The following DGLUCY variants were observed in gnomAD, a reference collection of about 807,000 sequenced individuals.
DGLUCY encodes the protein D-glutamate cyclase.
DGLUCY carries 58 observed loss-of-function variants against 58.5 expected under a neutral mutation model. The ratio of observed to expected loss-of-function variants is 0.99; its 90% CI spans 0.80 to 1.23. DGLUCY has a LOEUF of 1.23. DGLUCY is among the 50% of genes most tolerant of loss of function. DGLUCY has a pLI of 0.00. For synonymous variants in DGLUCY, 325 were observed against 314.1 expected (o/e 1.03, Z -0.37); for missense variants, 779 against 784.7 (o/e 0.99, Z 0.09).
At chr14:91,112,409 C>T (rs1346609738), upstream of DGLUCY, among the ~76,000 whole-genome samples, 2 of 152,176 alleles carry the variant, frequency 1.3e-5, no homozygotes, top group Non-Finnish European at 2.9e-5. Flanking sequence ...GACAGCAGGG[C>T]TCTGCAGGAA....
chr14:91,119,065 T>TA (rs2045184816), intron 1 of DGLUCY, among the ~76,000 whole-genome samples: 1 of 152,152 alleles, frequency 6.6e-6, no homozygotes, highest in African/African-American at 2.4e-5. Context: ...GGCTAAATTG[T>TA]AAAAAAGATC....
intron 1 of DGLUCY, among the ~76,000 whole-genome samples, chr14:91,123,246 C>T (rs751655058): frequency 3.9e-5 from 6 of 152,250 alleles, no homozygotes; most frequent in Non-Finnish European, 5.9e-5. Context: ...GAACACACAA[C>T]AGAACATTTA....
At chr14:91,209,195 A>G (rs1885260841) in intron 12 of DGLUCY, among the ~76,000 whole-genome samples, 1 of 151,930 alleles carries the variant, frequency 6.6e-6, no homozygotes, top group Non-Finnish European at 1.5e-5. Context: ...CCTAGGAGGC[A>G]GAGGTTGCAG....
intron 1 of DGLUCY, among the ~76,000 whole-genome samples, chr14:91,070,679 T>A (rs2043900044): frequency 6.6e-6 from 1 of 151,954 alleles, no homozygotes; most frequent in Admixed American, 6.6e-5. Flanking sequence ...GGGAAAACAA[T>A]GGAACAATAT....
chr14:91,107,505 G>A (rs1441167323), upstream of DGLUCY, among the ~76,000 whole-genome samples: 27 of 151,818 alleles, frequency 1.8e-4, no homozygotes, highest in Admixed American at 1.8e-3. Context: ...GCAACAGAGT[G>A]AGACTCCATC....
intron 10 of DGLUCY, among the ~76,000 whole-genome samples, chr14:91,198,348 T>C (rs1438076782): frequency 6.6e-6 from 1 of 151,198 alleles, no homozygotes; most frequent in Non-Finnish European, 1.5e-5. Flanking sequence ...CCAGCCTTTT[T>C]TTTTTTTCCC....
At chr14:91,081,058 C>T (rs1205484400) in intron 1 of DGLUCY, among the ~76,000 whole-genome samples, 1 of 152,154 alleles carries the variant, frequency 6.6e-6, no homozygotes, top group African/African-American at 2.4e-5. Flanking sequence ...AAAAAATTAG[C>T]TGGGCATGGC....
intron 1 of DGLUCY, among the ~76,000 whole-genome samples, chr14:91,082,692 T>A (rs2044147275): frequency 6.6e-6 from 1 of 152,172 alleles, no homozygotes; most frequent in Non-Finnish European, 1.5e-5. Flanking sequence ...CCTGTTGGTA[T>A]CAGCTTCATT....
intron 10 of DGLUCY, 101 bp downstream of exon 10, chr14:91,196,575 G>A: frequency 1.0e-6 from 1 of 962,606 alleles, no homozygotes; most frequent in Non-Finnish European, 1.6e-6. Flanking sequence ...CCTTCAGAGG[G>A]AGCGAAGCCA....
At chr14:91,105,600 T>C (rs988599448), upstream of DGLUCY, among the ~76,000 whole-genome samples, 1 of 152,174 alleles carries the variant, frequency 6.6e-6, no homozygotes, top group African/African-American at 2.4e-5. Flanking sequence ...GCAGCTATAA[T>C]AGGTGCCCAA....
chr14:91,079,044 C>T (rs1365248827), intron 1 of DGLUCY, among the ~76,000 whole-genome samples: 1 of 151,926 alleles, frequency 6.6e-6, no homozygotes, highest in African/African-American at 2.4e-5. Flanking sequence ...GCTGGAACTA[C>T]AGGCACCCGC....
chr14:91,087,477 T>C (rs1406735162), intron 1 of DGLUCY, among the ~76,000 whole-genome samples: 2 of 152,254 alleles, frequency 1.3e-5, no homozygotes, highest in African/African-American at 4.8e-5. Flanking sequence ...AAGAAATCAA[T>C]GTACTTTATG....
chr14:91,121,676 T>C (rs906335526), intron 1 of DGLUCY, among the ~76,000 whole-genome samples: 4 of 151,338 alleles, frequency 2.6e-5, no homozygotes, highest in African/African-American at 4.8e-5. Context: ...ACTCAACTAA[T>C]GTCTTCAGTG....
At chr14:91,143,245 T>A (rs1322989853) in intron 1 of DGLUCY, among the ~76,000 whole-genome samples, 1 of 151,340 alleles carries the variant, frequency 6.6e-6, no homozygotes, top group African/African-American at 2.4e-5. Flanking sequence ...ACAGGCGCCC[T>A]CCACCACGCC....
At chr14:91,091,936 C>T (rs2044318717) in intron 1 of DGLUCY, among the ~76,000 whole-genome samples, 1 of 152,116 alleles carries the variant, frequency 6.6e-6, no homozygotes, top group Non-Finnish European at 1.5e-5. Flanking sequence ...ATCCTTGCAC[C>T]TCTAGGGCTC....
chr14:91,105,939 T>C (rs1329424166), upstream of DGLUCY, among the ~76,000 whole-genome samples: 3 of 152,202 alleles, frequency 2.0e-5, no homozygotes, highest in East Asian at 1.9e-4. Context: ...CTGTAAGCAA[T>C]TGTAACACAG....
intron 7 of DGLUCY, among the ~76,000 whole-genome samples, chr14:91,178,310 A>G (rs2048979502): frequency 6.6e-6 from 1 of 152,006 alleles, no homozygotes; most frequent in Non-Finnish European, 1.5e-5. Context: ...GACTACAGGT[A>G]TGCACCATCA....
In DGLUCY at chr14:91,160,262, C is replaced by T; in HGVS notation, c.-29-4C>T. The T allele has an allele frequency of 1.3e-6, 2 of 1,552,594 alleles. No individual in the cohort carries two copies. The highest frequency in any genetic ancestry group is 1.8e-6 in the Non-Finnish European group (2 of 1,124,784). On this transcript the variant is annotated splice_region_variant and splice_polypyrimidine_tract_variant and intron_variant, in intron 2 of 13. Transcript: ENST00000256324. Reference sequence around the variant, plus strand: ...AATTTGTTCCCTTTCCTTCCCTCACCCAGATTCTCTGCTACTTATTCAAGT... The same window carrying T: ...AATTTGTTCCCTTTCCTTCCCTCACTCAGATTCTCTGCTACTTATTCAAGT...
chr14:91,160,433 A>AG, intron 3 of DGLUCY, 36 bp downstream of exon 3: 1 of 1,446,774 alleles, frequency 6.9e-7, no homozygotes, highest in Non-Finnish European at 9.4e-7. Flanking sequence ...AAAAAAAAAA[A>AG]AAAAAAAAGA....
Sources: gnomAD v4.1 joint callset for allele counts (sites outside exome capture counted in the v4.1 genomes callset) on GRCh38, gnomAD v4.1.1 for gene constraint, MANE v1.5 for transcripts, NCBI Gene and HGNC (gene_info 2026-07-23, HGNC 2026-07-21) for gene names.